Variants in PDE7B observed in about 807,000 individuals in gnomAD.
PDE7B encodes the protein 3',5'-cyclic-AMP phosphodiesterase 7B.
In PDE7B, 29 loss-of-function variants were observed where a neutral mutation model predicts 56.2. That is an observed-to-expected ratio of 0.52 (90% confidence interval 0.38 to 0.70). The LOEUF is 0.70. PDE7B is among the 30% of genes least tolerant of loss of function. PDE7B has a pLI of 0.00. For missense variants in PDE7B, 490 were observed against 565.0 expected (o/e 0.87, Z 1.35); for synonymous variants, 197 against 196.9 (o/e 1.00, Z 0.00).
intron 2 of PDE7B, among the ~76,000 whole-genome samples, chr6:136,078,654 C>A (rs1777158749): frequency 6.6e-6 from 1 of 151,688 alleles, no homozygotes; most frequent in African/African-American, 2.4e-5. Context: ...TTTTGATTAG[C>A]AGAAGGTACA....
intron 2 of PDE7B, among the ~76,000 whole-genome samples, chr6:135,968,011 TG>T (rs1388037110): frequency 6.6e-6 from 1 of 152,296 alleles, no homozygotes; most frequent in East Asian, 1.9e-4. Context: ...GTTTGCTTTT[TG>T]GCAACACTGA....
At chr6:135,918,732 A>C (rs1774006109) in intron 1 of PDE7B, among the ~76,000 whole-genome samples, 1 of 152,212 alleles carries the variant, frequency 6.6e-6, no homozygotes, top group South Asian at 2.1e-4. Context: ...CTTATGCCAC[A>C]CAGGTGTTTA....
rs1774399580 is a variant in PDE7B, at chr6:135,935,206, A to ATTATAT, written c.22-12257_22-12256insTATATT. ...TATATTTATTTATATATATATATAT[A>ATTATAT]TATATATATATTTTCATGATTCTTG... On this transcript the variant is annotated intron_variant, in intron 1 of 12. Coordinates refer to ENST00000308191, the MANE Select transcript of PDE7B (RefSeq NM_018945.4). Among the ~76,000 whole-genome samples the ATTATAT allele has an allele frequency of 3.7e-5, 3 of 82,128 alleles. No individual in the cohort carries two copies. The Admixed American group carries it at 4.7e-4, about 13-fold the overall frequency. The allele number at this position is 82,128 out of a possible 152,430, so 53.9% of individuals were successfully genotyped here.
At position 136,192,079 on chromosome 6, in the gene PDE7B, G is replaced by A; in HGVS notation, c.*239G>A. The A allele has an allele frequency of 1.9e-6, 1 of 532,614 alleles. No homozygotes were observed. The highest frequency in any genetic ancestry group is 3.2e-5 in the East Asian group (1 of 30,812). 33.0% of individuals were successfully genotyped at this position (532,614 alleles called of 1,614,324 possible). On this transcript the variant is annotated 3_prime_UTR_variant, in exon 13 of 13. Transcript: ENST00000308191. ...AACTCCATTCAGTAACGTGGGAGCTGATCCCACGGGCAGGCTCTCCCTGCT... is the reference window on the plus strand; with the variant it reads ...AACTCCATTCAGTAACGTGGGAGCTAATCCCACGGGCAGGCTCTCCCTGCT...
chr6:135,945,322 C>T (rs1287166981), intron 1 of PDE7B, among the ~76,000 whole-genome samples: 1 of 152,120 alleles, frequency 6.6e-6, no homozygotes, highest in Non-Finnish European at 1.5e-5. Context: ...ACGAGGTGAG[C>T]AGAGTAGCTG....
At chr6:136,010,929 G>A (rs1229659482) in intron 2 of PDE7B, among the ~76,000 whole-genome samples, 1 of 152,188 alleles carries the variant, frequency 6.6e-6, no homozygotes, top group Non-Finnish European at 1.5e-5. Context: ...TACTGCAAGG[G>A]AGGTTCATTC....
chr6:136,188,116 A>C (rs1194581748), intron 12 of PDE7B, among the ~76,000 whole-genome samples: 1 of 152,228 alleles, frequency 6.6e-6, no homozygotes, highest in African/African-American at 2.4e-5. Flanking sequence ...AGTTAGAATT[A>C]CATAATATCA....
At chr6:135,935,663 A>G (rs960746154) in intron 1 of PDE7B, among the ~76,000 whole-genome samples, 1 of 152,194 alleles carries the variant, frequency 6.6e-6, no homozygotes, top group Non-Finnish European at 1.5e-5. Context: ...TCTTTCAAAT[A>G]TTGATCTTGC....
At chr6:135,963,808 A>G (rs1400589964) in intron 2 of PDE7B, among the ~76,000 whole-genome samples, 1 of 152,114 alleles carries the variant, frequency 6.6e-6, no homozygotes, top group African/African-American at 2.4e-5. Context: ...CTTTAGAGTG[A>G]CTTTTTTCTA....
At chr6:136,093,676 C>T (rs1562491237) in intron 2 of PDE7B, among the ~76,000 whole-genome samples, 1 of 152,176 alleles carries the variant, frequency 6.6e-6, no homozygotes, top group African/African-American at 2.4e-5. Flanking sequence ...GTGAGAAAGC[C>T]ATCTCTGGGA....
intron 11 of PDE7B, among the ~76,000 whole-genome samples, chr6:136,182,092 G>A (rs753473747): frequency 2.6e-5 from 4 of 152,172 alleles, no homozygotes; most frequent in Non-Finnish European, 5.9e-5. Context: ...AATAAAGCTT[G>A]AAGTGTCCCA....
At chr6:135,946,787 C>T (rs1248341605) in intron 1 of PDE7B, among the ~76,000 whole-genome samples, 1 of 152,044 alleles carries the variant, frequency 6.6e-6, no homozygotes, top group Admixed American at 6.6e-5. Flanking sequence ...TTTATGTATA[C>T]ATTCAAGTAC....
At chr6:136,150,884 C>T (rs1160008191) in intron 5 of PDE7B, among the ~76,000 whole-genome samples, 1 of 106,134 alleles carries the variant, frequency 9.4e-6, no homozygotes, top group African/African-American at 3.3e-5. Context: ...TGTATGTATC[C>T]CTGACACCTC....
intron 2 of PDE7B, among the ~76,000 whole-genome samples, chr6:136,001,988 T>C (rs1775676350): frequency 6.6e-6 from 1 of 152,100 alleles, no homozygotes; most frequent in South Asian, 2.1e-4. Flanking sequence ...CCCATCAGAC[T>C]AACAGCGGAT....
At chr6:135,984,231 A>G (rs1775342132) in intron 2 of PDE7B, among the ~76,000 whole-genome samples, 2 of 152,206 alleles carry the variant, frequency 1.3e-5, no homozygotes, top group South Asian at 4.1e-4. Flanking sequence ...GTCTCTGCCT[A>G]AGACATCGAA....
chr6:136,084,848 G>A (rs1284857427), intron 2 of PDE7B, among the ~76,000 whole-genome samples: 7 of 152,048 alleles, frequency 4.6e-5, no homozygotes, highest in African/African-American at 1.7e-4. Flanking sequence ...GAATGGAATT[G>A]GTTCCAAATA....
intron 2 of PDE7B, among the ~76,000 whole-genome samples, chr6:136,012,210 C>T (rs1366415291): frequency 6.6e-6 from 1 of 152,058 alleles, no homozygotes; most frequent in Non-Finnish European, 1.5e-5. Flanking sequence ...CAGGAGGAAC[C>T]ACTCACAGCA....
chr6:135,904,502 A>G (rs775549883), intron 1 of PDE7B, among the ~76,000 whole-genome samples: 1 of 152,174 alleles, frequency 6.6e-6, no homozygotes, highest in Non-Finnish European at 1.5e-5. Context: ...AGATTACCCC[A>G]GTCCATCCTT....
At chr6:135,904,506 C>T (rs113314075) in intron 1 of PDE7B, among the ~76,000 whole-genome samples, 225 of 152,308 alleles carry the variant, frequency 1.5e-3, no homozygotes, top group African/African-American at 5.2e-3. Flanking sequence ...TACCCCAGTC[C>T]ATCCTTTCTC....
Sources: gnomAD v4.1 joint callset for allele counts (sites outside exome capture counted in the v4.1 genomes callset) on GRCh38, gnomAD v4.1.1 for gene constraint, MANE v1.5 for transcripts, NCBI Gene and HGNC (gene_info 2026-07-23, HGNC 2026-07-21) for gene names.